Variants in STK33 observed in about 807,000 individuals in gnomAD.
STK33 encodes serine/threonine kinase 33.
STK33 carries 52 observed loss-of-function variants against 58.0 expected under a neutral mutation model. That is an observed-to-expected ratio of 0.90 (90% CI 0.72 to 1.13). STK33 has a LOEUF of 1.13. Ranked by LOEUF, STK33 falls within the 50% of genes most tolerant of loss-of-function variation. The pLI, the probability that STK33 is intolerant of heterozygous loss-of-function variation, is 0.00. For synonymous variants in STK33, 215 were observed against 200.1 expected (o/e 1.07, Z -0.63); for missense variants, 630 against 604.2 (o/e 1.04, Z -0.45).
intron 15 of STK33, among the ~76,000 whole-genome samples, chr11:8,406,939 A>G (rs1939329859): frequency 6.6e-6 from 1 of 151,558 alleles, no homozygotes; most frequent in Non-Finnish European, 1.5e-5. Context: ...AAAATACTCA[A>G]TATTTTGCCA....
At chr11:8,495,285 A>G (rs1327041330) in intron 1 of STK33, among the ~76,000 whole-genome samples, 3 of 152,242 alleles carry the variant, frequency 2.0e-5, no homozygotes, top group East Asian at 1.9e-4. Flanking sequence ...AAGTGGGCAA[A>G]GGATATGAAC....
chr11:8,483,499 C>T (rs1949987746), intron 1 of STK33, among the ~76,000 whole-genome samples: 1 of 152,102 alleles, frequency 6.6e-6, no homozygotes. Flanking sequence ...GAAAAGGCTA[C>T]TGTAATGGAA....
chr11:8,406,304 A>G (rs1379681620), intron 15 of STK33, among the ~76,000 whole-genome samples: 32 of 152,338 alleles, frequency 2.1e-4, no homozygotes, highest in Admixed American at 1.9e-3. Context: ...ATCAAGTCAT[A>G]TAAGTCTTGC....
chr11:8,344,223 A>ACACACACACACACT, the STK33 span, among the ~76,000 whole-genome samples: 1 of 151,658 alleles, frequency 6.6e-6, no homozygotes, highest in Non-Finnish European at 1.5e-5. Flanking sequence ...ACACACACAC[A>ACACACACACACACT]CACACACCCC....
intron 15 of STK33, among the ~76,000 whole-genome samples, chr11:8,393,023 C>T (rs779408140): frequency 1.1e-4 from 17 of 152,316 alleles, no homozygotes; most frequent in Middle Eastern, 3.4e-3. Flanking sequence ...TAATTGTACT[C>T]ACTTCATCTT....
At chr11:8,440,606 T>G (rs1379430634) in intron 12 of STK33, 72 bp downstream of exon 12, 4 of 1,256,582 alleles carry the variant, frequency 3.2e-6, no homozygotes, top group Non-Finnish European at 4.3e-6. Context: ...TAGTTTTAAT[T>G]TAAAGTCTAT....
At chr11:8,542,960 C>T (rs1955637785) in intron 1 of STK33, among the ~76,000 whole-genome samples, 1 of 152,186 alleles carries the variant, frequency 6.6e-6, no homozygotes. Flanking sequence ...ATCCACACGC[C>T]TCAGCCTCCC....
At chr11:8,524,360 G>A (rs1326938957) in intron 1 of STK33, among the ~76,000 whole-genome samples, 1 of 151,896 alleles carries the variant, frequency 6.6e-6, no homozygotes, top group African/African-American at 2.4e-5. Flanking sequence ...AAAAATATTT[G>A]CAGACCATAT....
chr11:8,588,258 C>T (rs1329035235), intron 1 of STK33, among the ~76,000 whole-genome samples: 2 of 152,180 alleles, frequency 1.3e-5, no homozygotes, highest in Non-Finnish European at 2.9e-5. Flanking sequence ...AGCACTAATG[C>T]ACCAAATTAT....
the STK33 span, among the ~76,000 whole-genome samples, chr11:8,386,062 C>G: frequency 6.6e-6 from 1 of 152,330 alleles, no homozygotes; most frequent in Middle Eastern, 3.4e-3. Flanking sequence ...CGTGAGCCAC[C>G]GCGCCCGGCC....
At chr11:8,452,160 G>A (rs10840050) in intron 11 of STK33, among the ~76,000 whole-genome samples, 65,930 of 151,778 alleles carry the variant, frequency 0.43, 14,603 homozygotes, top group South Asian at 0.54. Context: ...CCCAGACTGC[G>A]CCACTGCACT....
At chr11:8,586,066 A>C (rs2141462426) in intron 1 of STK33, among the ~76,000 whole-genome samples, 1 of 151,922 alleles carries the variant, frequency 6.6e-6, no homozygotes, top group Admixed American at 6.6e-5. Flanking sequence ...AAAACAAAAA[A>C]TTTAGCCAGG....
At chr11:8,512,681 T>C (rs1952434019) in intron 1 of STK33, among the ~76,000 whole-genome samples, 1 of 152,248 alleles carries the variant, frequency 6.6e-6, no homozygotes, top group South Asian at 2.1e-4. Flanking sequence ...TTCACCTTAC[T>C]GTACTGTCCT....
intron 7 of STK33, among the ~76,000 whole-genome samples, 175 bp from the exon 8 acceptor site, chr11:8,462,084 G>C (rs1001698378): frequency 1.3e-5 from 2 of 151,928 alleles, no homozygotes; most frequent in Non-Finnish European, 2.9e-5. Context: ...TTATTCCTGT[G>C]ATCAGATTAA....
chr11:8,586,991 G>A (rs979213349), intron 1 of STK33, among the ~76,000 whole-genome samples: 3 of 152,158 alleles, frequency 2.0e-5, no homozygotes, highest in Non-Finnish European at 4.4e-5. Context: ...GTGAGGATGA[G>A]TGCAGTGGCA....
intron 1 of STK33, among the ~76,000 whole-genome samples, chr11:8,517,684 G>GT (rs1359275197): frequency 6.6e-6 from 1 of 152,152 alleles, no homozygotes; most frequent in Non-Finnish European, 1.5e-5. Flanking sequence ...TGAGAACTAC[G>GT]TGACGCATGC....
chr11:8,470,766 A>C (rs1041465871), intron 6 of STK33, among the ~76,000 whole-genome samples: 2 of 152,222 alleles, frequency 1.3e-5, no homozygotes, highest in Non-Finnish European at 2.9e-5. Flanking sequence ...AAGAATGGTC[A>C]GTCACTGGAG....
At chr11:8,592,060 C>A (rs1433796419) in intron 1 of STK33, among the ~76,000 whole-genome samples, 5 of 152,142 alleles carry the variant, frequency 3.3e-5, no homozygotes. Flanking sequence ...CCTGGATGCT[C>A]TCTTTCTTCC....
At chr11:8,380,880 T>C in the STK33 span, among the ~76,000 whole-genome samples, 1 of 152,078 alleles carries the variant, frequency 6.6e-6, no homozygotes, top group Admixed American at 6.6e-5. Flanking sequence ...GTGGTATATA[T>C]ACACCGTGGC....
Sources: allele counts gnomAD v4.1 joint callset (sites outside exome capture counted in the v4.1 genomes callset), GRCh38; gene constraint gnomAD v4.1.1; transcripts MANE v1.5; gene names NCBI Gene and HGNC (gene_info 2026-07-23, HGNC 2026-07-21).